ZFHX3: variants seen among roughly 807,000 people sequenced by gnomAD.
ZFHX3 encodes the protein zinc finger homeobox protein 3.
A neutral mutation model predicts 279.1 loss-of-function variants in ZFHX3; 42 were observed. That is an observed-to-expected ratio of 0.15 (90% CI 0.12 to 0.19). ZFHX3 has a LOEUF of 0.19. ZFHX3 is among the 10% of genes least tolerant of loss of function. ZFHX3 has a pLI of 1.00. For missense variants in ZFHX3, 4,981 were observed against 4,754.0 expected (o/e 1.05, Z -1.40); for synonymous variants, 2,293 against 1,957.8 (o/e 1.17, Z -4.52).
intron 3 of ZFHX3, among the ~76,000 whole-genome samples, chr16:73,324,752 C>A (rs1247398317): frequency 6.6e-6 from 1 of 152,136 alleles, no homozygotes; most frequent in East Asian, 1.9e-4. Context: ...GGTCCTCTGG[C>A]AGGAGTTATA....
At chr16:73,152,228 TGTTA>T (rs2144846933) in intron 5 of ZFHX3, among the ~76,000 whole-genome samples, 1 of 152,344 alleles carries the variant, frequency 6.6e-6, no homozygotes, top group Non-Finnish European at 1.5e-5. Context: ...ATATACAGCC[TGTTA>T]GTTCTGCTTT....
At chr16:72,861,835 T>C (rs1447170570) in intron 4 of ZFHX3, among the ~76,000 whole-genome samples, 4 of 151,922 alleles carry the variant, frequency 2.6e-5, no homozygotes, top group Admixed American at 2.0e-4. Flanking sequence ...GCCAACAAGG[T>C]GAAATCCCAC....
chr16:73,084,860 T>C (rs944962647), intron 8 of ZFHX3, among the ~76,000 whole-genome samples: 2 of 152,050 alleles, frequency 1.3e-5, no homozygotes, highest in African/African-American at 4.8e-5. Context: ...GAAAGATCTC[T>C]ACAAGGAATA....
intron 1 of ZFHX3, among the ~76,000 whole-genome samples, chr16:73,870,172 C>T (rs1962124322): frequency 6.6e-6 from 1 of 152,158 alleles, no homozygotes; most frequent in African/African-American, 2.4e-5. Flanking sequence ...AGATAGGTCC[C>T]TCATAATCAA....
At chr16:73,615,649 A>C (rs1003823759) in intron 2 of ZFHX3, among the ~76,000 whole-genome samples, 50 of 152,160 alleles carry the variant, frequency 3.3e-4, no homozygotes, top group African/African-American at 1.2e-3. Flanking sequence ...TAAAATTCTA[A>C]ATACTCAGTG....
rs186372320 is a variant in ZFHX3 at position 72,972,048 on chromosome 16, C to T, written c.-49-11854G>A. On this transcript the variant is annotated intron_variant, in intron 1 of 9. Coordinates refer to ENST00000268489, the MANE Select transcript of ZFHX3 (RefSeq NM_006885.4). ...TTACAGGTGCAGGTGTGCACCATCA[C>T]GGCCGGCTAATTTTTTGTAGTTTTA... Among the ~76,000 whole-genome samples the T allele has an allele frequency of 4.3e-4, 66 of 151,996 alleles. No individual in the cohort carries two copies. The East Asian group carries it at 0.012, about 27-fold the overall frequency.
intron 3 of ZFHX3, among the ~76,000 whole-genome samples, chr16:73,392,328 C>T (rs907330230): frequency 5.6e-5 from 8 of 143,378 alleles, no homozygotes; most frequent in Middle Eastern, 3.6e-3. Flanking sequence ...GGCTGAGGCA[C>T]GGGACCCTTG....
chr16:73,593,054 C>A lies in ZFHX3; in HGVS notation c.-1547+87126G>T, dbSNP rs372610924. Among the ~76,000 whole-genome samples the A allele has an allele frequency of 4.6e-5, 7 of 151,828 alleles. No individual in the cohort carries two copies. The East Asian group carries it at 7.7e-4, about 17-fold the overall frequency. ...CAAATTCCTAAAAAAATACAACTTA[C>A]CAAAAATGGTCCAAAAAGAAAAAGA... On this transcript the variant is annotated intron_variant, in intron 2 of 17. Transcript: ENST00000641206.
chr16:73,465,434 G>A (rs551507253), intron 2 of ZFHX3, among the ~76,000 whole-genome samples: 117 of 152,164 alleles, frequency 7.7e-4, no homozygotes, highest in African/African-American at 2.6e-3. Flanking sequence ...CTCACATCCC[G>A]CCACCTCGAA....
intron 4 of ZFHX3, among the ~76,000 whole-genome samples, chr16:73,309,387 T>C (rs966480470): frequency 2.0e-5 from 3 of 152,230 alleles, no homozygotes; most frequent in Non-Finnish European, 4.4e-5. Flanking sequence ...GCTCCATTGA[T>C]GTTCCTGCAA....
intron 3 of ZFHX3, among the ~76,000 whole-genome samples, chr16:72,903,041 G>A (rs182018853): frequency 2.6e-5 from 4 of 152,232 alleles, no homozygotes; most frequent in Admixed American, 2.6e-4. Context: ...TACTGCAGGA[G>A]TCTGAATTCT....
chr16:73,348,759 C>T (rs538349413), intron 3 of ZFHX3, among the ~76,000 whole-genome samples: 13 of 152,324 alleles, frequency 8.5e-5, no homozygotes, highest in African/African-American at 2.2e-4. Context: ...CGGTTAAAGA[C>T]GGGAAAGTTC....
intron 1 of ZFHX3, among the ~76,000 whole-genome samples, chr16:73,766,944 T>C (rs2053952919): frequency 1.5e-5 from 2 of 131,742 alleles, no homozygotes; most frequent in African/African-American, 6.2e-5. Context: ...TTTTTTTTTT[T>C]TTTTTTTCCG....
chr16:73,691,887 C>T (rs1055525483), intron 1 of ZFHX3, among the ~76,000 whole-genome samples: 1 of 152,210 alleles, frequency 6.6e-6, no homozygotes, highest in Non-Finnish European at 1.5e-5. Flanking sequence ...AGCACCTCCT[C>T]TATGCGAAAG....
At chr16:73,293,986 C>CAAAAAAAAAAAAAAAAAA (rs56783722) in intron 4 of ZFHX3, 1 of 41,734 alleles carries the variant, frequency 2.4e-5, no homozygotes, top group African/African-American at 8.8e-5. Flanking sequence ...GTCAATATGC[C>CAAAAAAAAAAAAAAAAAA]AAAAAAAAAA....
intron 3 of ZFHX3, among the ~76,000 whole-genome samples, chr16:73,436,806 G>C (rs186592167): frequency 4.1e-4 from 62 of 152,236 alleles, no homozygotes; most frequent in Non-Finnish European, 7.8e-4. Flanking sequence ...CTTCCTGTTT[G>C]TTTGTCTCTA....
At chr16:73,608,835 C>A (rs1485537609) in intron 2 of ZFHX3, 1 of 152,128 alleles carries the variant, frequency 6.6e-6, no homozygotes, top group Admixed American at 6.5e-5. Context: ...AAAACAACAA[C>A]CTTTAAAACG....
chr16:73,536,988 T>C (rs1031052047), intron 2 of ZFHX3, among the ~76,000 whole-genome samples: 4 of 152,146 alleles, frequency 2.6e-5, no homozygotes. Flanking sequence ...AATCCTACCT[T>C]TCAACTTCAT....
intron 4 of ZFHX3, among the ~76,000 whole-genome samples, chr16:73,315,627 C>T (rs929628205): frequency 3.3e-5 from 5 of 151,912 alleles, no homozygotes; most frequent in Non-Finnish European, 2.9e-5. Flanking sequence ...TGAAACAGAC[C>T]CAAACAGAAA....
Sources: gnomAD v4.1 joint callset for allele counts (sites outside exome capture counted in the v4.1 genomes callset) on GRCh38, gnomAD v4.1.1 for gene constraint, MANE v1.5 for transcripts, NCBI Gene and HGNC (gene_info 2026-07-23, HGNC 2026-07-21) for gene names.